MEGF11: variants seen among roughly 807,000 people sequenced by gnomAD.
MEGF11 encodes the protein multiple EGF like domains 11.
In MEGF11, 126 loss-of-function variants were observed where a neutral mutation model predicts 146.6. That is an observed-to-expected ratio of 0.86 (90% confidence interval 0.74 to 1.00). MEGF11 has a LOEUF of 1.00. Among genes scored for constraint, MEGF11 ranks in the 50% least tolerant of loss-of-function variants. MEGF11 has a pLI of 0.00. For synonymous variants in MEGF11, 532 were observed against 583.4 expected, an observed-to-expected ratio of 0.91 and a Z score of 1.27; for missense variants, 1,509 against 1,521.2, an observed-to-expected ratio of 0.99 and a Z score of 0.13.
intron 1 of MEGF11, among the ~76,000 whole-genome samples, chr15:66,131,731 T>C (rs2088653745): frequency 6.6e-6 from 1 of 152,238 alleles, no homozygotes; most frequent in African/African-American, 2.4e-5. Context: ...CTGCTCGCTA[T>C]GTCCTCATCC....
At chr15:66,139,906 G>A (rs916575620) in intron 1 of MEGF11, among the ~76,000 whole-genome samples, 6 of 152,184 alleles carry the variant, frequency 3.9e-5, no homozygotes, top group Non-Finnish European at 7.3e-5. Flanking sequence ...AGGCCCAGCA[G>A]GGCACAGGCC....
chr15:66,192,318 A>C (rs191961789), intron 1 of MEGF11, among the ~76,000 whole-genome samples: 1 of 151,620 alleles, frequency 6.6e-6, no homozygotes, highest in Admixed American at 6.6e-5. Flanking sequence ...AAATACAAAA[A>C]AATTAGCCAG....
intron 5 of MEGF11, among the ~76,000 whole-genome samples, chr15:66,033,574 T>A (rs1291730079): frequency 1.4e-4 from 21 of 152,144 alleles, no homozygotes; most frequent in Admixed American, 5.9e-4. Context: ...CATGGTGGCC[T>A]CCATCTAGAT....
intron 8 of MEGF11, among the ~76,000 whole-genome samples, chr15:65,965,600 C>CTTTCTTTCTTTTTTT (rs1555456992): frequency 1.1e-4 from 2 of 18,876 alleles, no homozygotes; most frequent in Admixed American, 7.8e-4. Flanking sequence ...TTCTTTCTTT[C>CTTTCTTTCTTTTTTT]TTTTTTTTTT....
intron 5 of MEGF11, among the ~76,000 whole-genome samples, chr15:65,986,108 T>C (rs1466693361): frequency 6.6e-6 from 1 of 151,890 alleles, no homozygotes; most frequent in Non-Finnish European, 1.5e-5. Context: ...CCCACCACCA[T>C]GCCCAGCTAA....
intron 8 of MEGF11, among the ~76,000 whole-genome samples, chr15:65,965,621 T>TCTTTCTTTCTTTCTTTCTTTCTTTC: frequency 7.3e-6 from 1 of 136,060 alleles, no homozygotes; most frequent in Non-Finnish European, 1.6e-5. Context: ...TTCTTTTTTT[T>TCTTTCTTTCTTTCTTTCTTTCTTTC]TTTTTTGGCT....
At chr15:66,084,535 C>A (rs1334930801) in intron 5 of MEGF11, among the ~76,000 whole-genome samples, 2 of 150,838 alleles carry the variant, frequency 1.3e-5, no homozygotes, top group East Asian at 1.9e-4. Context: ...CCGAACACAC[C>A]CCCCCACTGG....
intron 1 of MEGF11, among the ~76,000 whole-genome samples, chr15:66,174,664 A>T (rs967820367): frequency 6.6e-6 from 1 of 151,676 alleles, no homozygotes; most frequent in African/African-American, 2.4e-5. Context: ...GCCACAGGGA[A>T]GAAGCCCAGC....
intron 2 of MEGF11, among the ~76,000 whole-genome samples, chr15:66,127,629 GTTT>G (rs1221731466): frequency 1.3e-5 from 2 of 152,190 alleles, no homozygotes; most frequent in Non-Finnish European, 2.9e-5. Context: ...GTTTAATTCG[GTTT>G]TTTCCTGATT....
At chr15:66,169,373 G>A (rs1011587230) in intron 1 of MEGF11, among the ~76,000 whole-genome samples, 2 of 152,204 alleles carry the variant, frequency 1.3e-5, no homozygotes, top group African/African-American at 2.4e-5. Flanking sequence ...GTCTAGACTC[G>A]AGAGACTTGG....
At chr15:66,074,004 T>C (rs187874275) in intron 5 of MEGF11, among the ~76,000 whole-genome samples, 1 of 152,318 alleles carries the variant, frequency 6.6e-6, no homozygotes, top group East Asian at 1.9e-4. Context: ...AAAACAACCA[T>C]AGTGTATCCA....
chr15:66,030,806 C>T (rs1027512686), intron 5 of MEGF11, among the ~76,000 whole-genome samples: 11 of 152,216 alleles, frequency 7.2e-5, no homozygotes, highest in Admixed American at 1.3e-4. Context: ...CCACGTCCCC[C>T]GTGCCAAGCT....
At chr15:65,995,445 G>A (rs1202906384) in intron 5 of MEGF11, among the ~76,000 whole-genome samples, 1 of 152,196 alleles carries the variant, frequency 6.6e-6, no homozygotes, top group Non-Finnish European at 1.5e-5. Context: ...AACCATGTGC[G>A]TGGCTGTGAC....
At chr15:66,056,002 G>A in intron 5 of MEGF11, among the ~76,000 whole-genome samples, 1 of 152,146 alleles carries the variant, frequency 6.6e-6, no homozygotes, top group Non-Finnish European at 1.5e-5. Context: ...CAGGCCCTTA[G>A]TAATTGAAAT....
intron 1 of MEGF11, among the ~76,000 whole-genome samples, chr15:66,131,261 A>G (rs1046259973): frequency 6.6e-6 from 1 of 152,250 alleles, no homozygotes; most frequent in Non-Finnish European, 1.5e-5. Flanking sequence ...TTGTCAGCCC[A>G]CATGGCCACC....
intron 4 of MEGF11, among the ~76,000 whole-genome samples, chr15:66,096,326 C>T (rs183475896): frequency 1.2e-4 from 18 of 152,302 alleles, no homozygotes; most frequent in South Asian, 2.1e-4. Context: ...TGCAACCTGC[C>T]GAGTGTCAGG....
intron 1 of MEGF11, among the ~76,000 whole-genome samples, chr15:66,173,686 C>T (rs2090321038): frequency 6.6e-6 from 1 of 152,160 alleles, no homozygotes. Flanking sequence ...TGCCTCCCTC[C>T]ACCATTACCC....
At chr15:65,919,054 G>C (rs1275768144) in intron 15 of MEGF11, among the ~76,000 whole-genome samples, 1 of 152,160 alleles carries the variant, frequency 6.6e-6, no homozygotes, top group Non-Finnish European at 1.5e-5. Flanking sequence ...GACTTCCCCA[G>C]GGCCCAGGTC....
At chr15:66,041,528 A>G (rs1366440165) in intron 5 of MEGF11, among the ~76,000 whole-genome samples, 1 of 152,244 alleles carries the variant, frequency 6.6e-6, no homozygotes, top group Non-Finnish European at 1.5e-5. Flanking sequence ...GTACTGTTCA[A>G]AGGTTGGCAA....
Sources: gnomAD v4.1 joint callset for allele counts (sites outside exome capture counted in the v4.1 genomes callset) on GRCh38, gnomAD v4.1.1 for gene constraint, MANE v1.5 for transcripts, NCBI Gene and HGNC (gene_info 2026-07-23, HGNC 2026-07-21) for gene names.